STXBP6: variants seen among roughly 807,000 people sequenced by gnomAD.
STXBP6 encodes syntaxin binding protein 6, also known as syntaxin-binding protein 6.
A neutral mutation model predicts 26.9 loss-of-function variants in STXBP6; 21 were observed. The observed-to-expected ratio is 0.78, with a 90% CI of 0.55 to 1.12. The LOEUF is 1.12. Among genes scored for constraint, STXBP6 ranks in the 50% most tolerant of loss-of-function variants. STXBP6 has a pLI of 0.00. For synonymous variants in STXBP6, 97 were observed against 92.6 expected, an observed-to-expected ratio of 1.05 and a Z score of -0.27; for missense variants, 232 against 257.9, an observed-to-expected ratio of 0.90 and a Z score of 0.69.
At chr14:24,847,634 A>G (rs955760129) in intron 4 of STXBP6, among the ~76,000 whole-genome samples, 4 of 152,182 alleles carry the variant, frequency 2.6e-5, no homozygotes, top group Non-Finnish European at 5.9e-5. Context: ...ATGTTAAGTA[A>G]TTTTACCTCT....
intron 2 of STXBP6, among the ~76,000 whole-genome samples, chr14:24,952,180 G>A (rs2073192188): frequency 6.6e-6 from 1 of 150,796 alleles, no homozygotes; most frequent in Admixed American, 6.6e-5. Flanking sequence ...TCTCTTTACT[G>A]TTACATATTT....
At chr14:24,982,929 G>C (rs1432420051) in intron 1 of STXBP6, among the ~76,000 whole-genome samples, 1 of 152,202 alleles carries the variant, frequency 6.6e-6, no homozygotes, top group Non-Finnish European at 1.5e-5. Context: ...CATAGGATAT[G>C]TCATTTGGAG....
At chr14:24,838,346 T>G (rs2138992626) in intron 4 of STXBP6, among the ~76,000 whole-genome samples, 1 of 152,216 alleles carries the variant, frequency 6.6e-6, no homozygotes, top group East Asian at 1.9e-4. Flanking sequence ...TCAACATATC[T>G]GCTGTGGTCT....
At chr14:24,990,991 G>A (rs2074457149) in intron 1 of STXBP6, among the ~76,000 whole-genome samples, 1 of 150,078 alleles carries the variant, frequency 6.7e-6, no homozygotes, top group African/African-American at 2.5e-5. Context: ...AGGAGGAGAA[G>A]AGAAAAAGGA....
chr14:24,979,060 T>C (rs1269026907), intron 1 of STXBP6, among the ~76,000 whole-genome samples: 2 of 152,228 alleles, frequency 1.3e-5, no homozygotes, highest in Non-Finnish European at 2.9e-5. Context: ...TAGGGAAGTA[T>C]AGTCTACAGC....
At chr14:24,833,116 C>T (rs2068506155) in intron 4 of STXBP6, among the ~76,000 whole-genome samples, 4 of 152,156 alleles carry the variant, frequency 2.6e-5, no homozygotes, top group Admixed American at 2.6e-4. Flanking sequence ...GAGGTTCACC[C>T]TGTGAGGTGA....
chr14:24,971,803 TTATAAC>T (rs2073914273), intron 2 of STXBP6, among the ~76,000 whole-genome samples: 1 of 152,204 alleles, frequency 6.6e-6, no homozygotes, highest in Non-Finnish European at 1.5e-5. Context: ...CTTTCACAGT[TTATAAC>T]TATGTTTATT....
chr14:25,015,685 A>G (rs1030805531), intron 1 of STXBP6, among the ~76,000 whole-genome samples: 6 of 152,158 alleles, frequency 3.9e-5, no homozygotes, highest in Admixed American at 6.5e-5. Flanking sequence ...GAAAAATGTT[A>G]GAAATTTGGT....
In STXBP6 at chr14:24,918,042, T is replaced by C. The variant is rs528276968; in HGVS notation, c.154+56623A>G. 5.3e-5 allele frequency among the ~76,000 whole-genome samples: 8 copies of C among 152,160 alleles called. No individual in the cohort carries two copies. In the East Asian group the frequency reaches 1.5e-3, roughly 29 times the overall value. On this transcript the variant is annotated intron_variant, in intron 2 of 5. Transcript: ENST00000323944. ...ACAAAAGGCTGTATGGTTCCAGTGA[T>C]GTAAGATGTCCAGGATAGGTAAATC... is the stretch of plus-strand genomic sequence containing the variant.
At chr14:24,833,627 T>C (rs79868489) in intron 4 of STXBP6, among the ~76,000 whole-genome samples, 7,656 of 152,294 alleles carry the variant, frequency 0.05, 660 homozygotes, top group African/African-American at 0.18. Context: ...TCATCTTGGG[T>C]TGTGCTATTG....
rs531353835 is a variant in STXBP6, at chr14:24,962,589, A to T, written c.154+12076T>A. 1.4e-4 allele frequency among the ~76,000 whole-genome samples: 21 copies of T among 152,210 alleles called. No homozygotes were observed. In the South Asian group the frequency reaches 4.2e-3, roughly 30 times the overall value. On this transcript the variant is annotated intron_variant, in intron 2 of 5. Coordinates refer to ENST00000323944, the MANE Select transcript of STXBP6 (RefSeq NM_001394410.1). ...GTGATCCGCCCGCCTCAGCCTCCCA[A>T]AGTGCTGGGATTACATGTGTCAATT...
At chr14:24,865,550 A>C (rs2069687523) in intron 2 of STXBP6, among the ~76,000 whole-genome samples, 1 of 152,198 alleles carries the variant, frequency 6.6e-6, no homozygotes, top group South Asian at 2.1e-4. Flanking sequence ...GTTTGTGAGG[A>C]AACTATCTGA....
intron 2 of STXBP6, among the ~76,000 whole-genome samples, chr14:24,871,814 T>C (rs945815578): frequency 3.5e-4 from 53 of 152,320 alleles, no homozygotes; most frequent in African/African-American, 1.2e-3. Context: ...CCTGGGACCA[T>C]GGATCAAAAC....
chr14:24,892,288 G>A (rs1025300898), intron 2 of STXBP6, among the ~76,000 whole-genome samples: 5 of 152,000 alleles, frequency 3.3e-5, no homozygotes, highest in African/African-American at 1.2e-4. Context: ...AAAGAGGGTA[G>A]AAGAAAGGGG....
intron 2 of STXBP6, among the ~76,000 whole-genome samples, chr14:24,874,476 T>C (rs556340433): frequency 5.5e-4 from 84 of 152,116 alleles, no homozygotes; most frequent in African/African-American, 2.0e-3. Flanking sequence ...ATAGGGTCCA[T>C]CCCACCCATG....
At position 24,812,464 on chromosome 14, in the gene STXBP6, G is replaced by C; in HGVS notation, c.*245C>G. 3.6e-6 allele frequency: 2 copies of C among 551,892 alleles called. No individual in the cohort carries two copies. The highest frequency in any genetic ancestry group is 4.5e-5 in the South Asian group (2 of 44,464). 34.2% of individuals were successfully genotyped at this position (551,892 alleles called of 1,614,324 possible). ...ATACATATACACACATACACACAGT[G>C]GGAGGAGGCAAAAACCCAAAATGAA... On this transcript the variant is annotated 3_prime_UTR_variant, in exon 6 of 6. Coordinates refer to ENST00000323944, the MANE Select transcript of STXBP6 (RefSeq NM_001394410.1).
At chr14:24,953,234 C>G (rs1359978883) in intron 2 of STXBP6, among the ~76,000 whole-genome samples, 2 of 152,162 alleles carry the variant, frequency 1.3e-5, no homozygotes, top group Non-Finnish European at 2.9e-5. Context: ...TATAAAGACA[C>G]ATGTGATGGC....
chr14:24,873,458 G>A (rs2070015866), intron 2 of STXBP6, among the ~76,000 whole-genome samples: 1 of 152,108 alleles, frequency 6.6e-6, no homozygotes, highest in African/African-American at 2.4e-5. Context: ...ACACAGCATA[G>A]TCACTCTCTC....
At chr14:24,966,978 G>A (rs2073754135) in intron 2 of STXBP6, among the ~76,000 whole-genome samples, 1 of 152,162 alleles carries the variant, frequency 6.6e-6, no homozygotes, top group African/African-American at 2.4e-5. Flanking sequence ...CCGTATGAGA[G>A]GGTAAGAAAA....
Sources: gnomAD v4.1 joint callset for allele counts (sites outside exome capture counted in the v4.1 genomes callset) on GRCh38, gnomAD v4.1.1 for gene constraint, MANE v1.5 for transcripts, NCBI Gene and HGNC (gene_info 2026-07-23, HGNC 2026-07-21) for gene names.